The following ROBO1 variants were observed in gnomAD, a reference collection of about 807,000 sequenced individuals.
ROBO1 encodes the protein roundabout guidance receptor 1.
A neutral mutation model predicts 195.9 loss-of-function variants in ROBO1; 149 were observed. That is an observed-to-expected ratio of 0.76 (90% CI 0.67 to 0.87). ROBO1 has a LOEUF of 0.87. Ranked by LOEUF, ROBO1 falls within the 40% of genes least tolerant of loss-of-function variation. The pLI is 0.00. For missense variants in ROBO1, 1,933 were observed against 2,068.3 expected, an observed-to-expected ratio of 0.93 and a Z score of 1.27; for synonymous variants, 816 against 733.2, an observed-to-expected ratio of 1.11 and a Z score of -1.82.
chr3:79,303,838 T>G (rs2033098222), intron 2 of ROBO1, among the ~76,000 whole-genome samples: 1 of 152,066 alleles, frequency 6.6e-6, no homozygotes, highest in African/African-American at 2.4e-5. Flanking sequence ...ATTCCACATA[T>G]TAGTGAGATC....
intron 1 of ROBO1, among the ~76,000 whole-genome samples, chr3:79,610,978 G>A (rs1222216145): frequency 1.3e-5 from 2 of 152,046 alleles, no homozygotes; most frequent in Non-Finnish European, 2.9e-5. Context: ...AAGCTGCACA[G>A]TGATTGGCTT....
At chr3:79,259,088 C>T (rs75621325) in intron 2 of ROBO1, among the ~76,000 whole-genome samples, 2,902 of 151,742 alleles carry the variant, frequency 0.019, 72 homozygotes, top group African/African-American at 0.061. Context: ...ACTTTTTTTT[C>T]CATTCCCTCA....
chr3:79,070,854 G>T (rs1172587433), intron 3 of ROBO1, among the ~76,000 whole-genome samples: 1 of 151,192 alleles, frequency 6.6e-6, no homozygotes, highest in Non-Finnish European at 1.5e-5. Context: ...CCTTTTAATT[G>T]CTCTTTTATG....
intron 2 of ROBO1, among the ~76,000 whole-genome samples, chr3:79,247,129 G>GTTTTTTTT (rs575917340): frequency 0.032 from 4,280 of 134,566 alleles, 243 homozygotes; most frequent in African/African-American, 0.11. Flanking sequence ...CCTGTTTACT[G>GTTTTTTTT]TTTTTTTTTT....
chr3:78,817,780 A>G (rs1028306598), intron 4 of ROBO1, among the ~76,000 whole-genome samples: 11 of 152,216 alleles, frequency 7.2e-5, no homozygotes, highest in African/African-American at 2.2e-4. Flanking sequence ...AAGAATTTCA[A>G]CCATTAGTCA....
intron 2 of ROBO1, among the ~76,000 whole-genome samples, chr3:79,558,966 T>C (rs1294078054): frequency 6.6e-6 from 1 of 152,194 alleles, no homozygotes; most frequent in Non-Finnish European, 1.5e-5. Flanking sequence ...AGGAATTAGC[T>C]TGTGGCTTTT....
intron 2 of ROBO1, among the ~76,000 whole-genome samples, chr3:79,561,795 C>T (rs36020788): frequency 0.24 from 36,280 of 151,834 alleles, 4,902 homozygotes; most frequent in African/African-American, 0.36. Flanking sequence ...TTAATAATGG[C>T]AAGATGAAGA....
rs1203744735 is a variant in ROBO1, at chr3:79,145,298, C to T, written c.89-19759G>A. 2.7e-5 allele frequency among the ~76,000 whole-genome samples: 4 copies of T among 150,748 alleles called. No individual in the cohort carries two copies. The Admixed American group carries it at 2.7e-4, about 10-fold the overall frequency. On this transcript the variant is annotated intron_variant, in intron 2 of 30. Coordinates refer to ENST00000464233, the MANE Select transcript of ROBO1 (RefSeq NM_002941.4). ...AGATAAAAATCATTTATAATCTCAA[C>T]TTTTTAGATTTATAGACTCTGGAAT... is the stretch of plus-strand genomic sequence containing the variant.
chr3:78,737,009 A>G (rs971662379), intron 5 of ROBO1, among the ~76,000 whole-genome samples: 1 of 152,254 alleles, frequency 6.6e-6, no homozygotes, highest in East Asian at 1.9e-4. Flanking sequence ...AAAGAAGTTG[A>G]TTCATTACAC....
intron 28 of ROBO1, among the ~76,000 whole-genome samples, chr3:78,612,849 C>T (rs530996364): frequency 3.1e-4 from 47 of 152,082 alleles, no homozygotes; most frequent in Non-Finnish European, 6.3e-4. Context: ...ATCACTTTTG[C>T]GGAATGAGCA....
intron 4 of ROBO1, among the ~76,000 whole-genome samples, chr3:78,921,426 T>C (rs942546673): frequency 1.3e-5 from 2 of 152,178 alleles, no homozygotes; most frequent in African/African-American, 4.8e-5. Context: ...ACTTAAGCAG[T>C]TTGATTAGCC....
chr3:79,053,855 G>A (rs774981595), intron 3 of ROBO1, among the ~76,000 whole-genome samples: 18 of 152,030 alleles, frequency 1.2e-4, no homozygotes, highest in Admixed American at 6.6e-4. Context: ...GGGCTTATCC[G>A]GTCATGCTAG....
chr3:79,263,706 T>C (rs1325964819), intron 2 of ROBO1, among the ~76,000 whole-genome samples: 1 of 151,976 alleles, frequency 6.6e-6, no homozygotes, highest in South Asian at 2.1e-4. Flanking sequence ...TTTACTCTGT[T>C]TCCTCCATCA....
At chr3:78,689,762 C>T (rs1394660112) in intron 8 of ROBO1, among the ~76,000 whole-genome samples, 1 of 151,834 alleles carries the variant, frequency 6.6e-6, no homozygotes. Flanking sequence ...AAGACTTTTC[C>T]ATTATTTCTA....
chr3:79,183,158 C>A (rs1025159326), intron 2 of ROBO1, among the ~76,000 whole-genome samples: 10 of 150,054 alleles, frequency 6.7e-5, no homozygotes, highest in Admixed American at 6.0e-4. Context: ...AATTTTAATT[C>A]ACTAAGGCAC....
In ROBO1 at chr3:79,018,821, T is replaced by A. The variant is rs901908902; in HGVS notation, c.173-79894A>T. ...AGCCTCCCGGCGTGCGCCCCCACAA[T>A]GTGCGGCCGAGCGCCGCTGCGAGGG... On this transcript the variant is annotated intron_variant, in intron 3 of 30. Transcript: ENST00000464233. 7 of 1,019,558 alleles carry A rather than the reference T, an allele frequency of 6.9e-6. No individual in the cohort carries two copies. The African/African-American group carries it at 1.2e-4, about 17-fold the overall frequency. The allele number at this position is 1,019,558 out of a possible 1,614,324, so 63.2% of individuals were successfully genotyped here.
chr3:79,610,283 G>A (rs534414990), intron 1 of ROBO1, among the ~76,000 whole-genome samples: 1 of 151,624 alleles, frequency 6.6e-6, no homozygotes, highest in Non-Finnish European at 1.5e-5. Flanking sequence ...TTATAAAGTA[G>A]GTACAATATG....
At chr3:78,760,840 C>A (rs1482153171) in intron 4 of ROBO1, among the ~76,000 whole-genome samples, 2 of 151,888 alleles carry the variant, frequency 1.3e-5, no homozygotes, top group African/African-American at 4.8e-5. Flanking sequence ...GGGGGTCTAA[C>A]TTTGTTGCGT....
At chr3:78,822,264 CA>C (rs2031078905) in intron 4 of ROBO1, among the ~76,000 whole-genome samples, 1 of 152,068 alleles carries the variant, frequency 6.6e-6, no homozygotes, top group African/African-American at 2.4e-5. Context: ...GCGGTGAAAA[CA>C]AAGGGGATGT....
Sources: allele counts gnomAD v4.1 joint callset (sites outside exome capture counted in the v4.1 genomes callset), GRCh38; gene constraint gnomAD v4.1.1; transcripts MANE v1.5; gene names NCBI Gene and HGNC (gene_info 2026-07-23, HGNC 2026-07-21).